SUMF1: variants seen among roughly 807,000 people sequenced by gnomAD.
SUMF1 encodes formylglycine-generating enzyme.
Under a neutral mutation model 47.6 loss-of-function variants are expected in SUMF1, and 48 were observed. The observed-to-expected ratio is 1.01, with a 90% CI of 0.80 to 1.28. SUMF1 has a LOEUF of 1.28. SUMF1 is among the 50% of genes most tolerant of loss of function. SUMF1 has a pLI of 0.00. For missense variants in SUMF1, 571 were observed against 485.4 expected (o/e 1.18, Z -1.66); for synonymous variants, 230 against 192.1 (o/e 1.20, Z -1.63).
At chr3:4,207,332 C>T (rs1250230878) in intron 8 of SUMF1, among the ~76,000 whole-genome samples, 1 of 152,236 alleles carries the variant, frequency 6.6e-6, no homozygotes, top group Admixed American at 6.5e-5. Context: ...CTTATTCTTA[C>T]CTCATTGCAC....
At chr3:4,270,274 G>C (rs1283332044) in intron 8 of SUMF1, among the ~76,000 whole-genome samples, 3 of 152,050 alleles carry the variant, frequency 2.0e-5, no homozygotes, top group Non-Finnish European at 2.9e-5. Context: ...CTGACTATAG[G>C]TGATAAAGTG....
rs150915876 is a variant in SUMF1, at chr3:4,157,490, T to C, written c.1015-88745A>G. On this transcript the variant is annotated intron_variant and NMD_transcript_variant, in intron 8 of 12. Transcript: ENST00000448413. ...TTTCCCCAAAATATTTTTAAATCAA[T>C]AGTTCTCTTCTTAGTTTTATATCAC... Among the ~76,000 whole-genome samples the C allele has an allele frequency of 3.3e-5, 5 of 151,730 alleles. No individual in the cohort carries two copies. In the East Asian group the frequency reaches 7.7e-4, roughly 23 times the overall value.
At chr3:4,367,799 C>T (rs1243250043) in intron 8 of SUMF1, among the ~76,000 whole-genome samples, 3 of 151,528 alleles carry the variant, frequency 2.0e-5, no homozygotes, top group African/African-American at 7.3e-5. Flanking sequence ...AAAGCTGAAA[C>T]TGGATCCCTT....
At chr3:4,462,550 C>T (rs1424027265) in intron 1 of SUMF1, among the ~76,000 whole-genome samples, 3 of 152,086 alleles carry the variant, frequency 2.0e-5, no homozygotes, top group African/African-American at 2.4e-5. Flanking sequence ...GTCTTTTTTT[C>T]ACTTGCTACC....
chr3:4,235,245 A>T (rs1696382682), intron 8 of SUMF1, among the ~76,000 whole-genome samples: 2 of 152,152 alleles, frequency 1.3e-5, no homozygotes, highest in South Asian at 4.1e-4. Context: ...GAAGGAGTCA[A>T]GATTAACACC....
intron 8 of SUMF1, among the ~76,000 whole-genome samples, chr3:4,166,449 T>G (rs1274340012): frequency 6.6e-6 from 1 of 152,154 alleles, no homozygotes; most frequent in Non-Finnish European, 1.5e-5. Context: ...AAATTCCAGA[T>G]AGTCCCCAGC....
chr3:4,077,702 T>C (rs1692470301), intron 8 of SUMF1, among the ~76,000 whole-genome samples: 2 of 152,036 alleles, frequency 1.3e-5, no homozygotes, highest in South Asian at 2.1e-4. Flanking sequence ...AAATACCTAA[T>C]GTAAATGTCG....
intron 8 of SUMF1, among the ~76,000 whole-genome samples, chr3:4,131,514 T>A (rs891753995): frequency 2.0e-5 from 3 of 152,150 alleles, no homozygotes; most frequent in Non-Finnish European, 2.9e-5. Flanking sequence ...TGAAGGGAAA[T>A]CTTCCCAGTG....
At chr3:4,082,531 A>C (rs530971750) in intron 8 of SUMF1, among the ~76,000 whole-genome samples, 18 of 152,284 alleles carry the variant, frequency 1.2e-4, no homozygotes, top group African/African-American at 4.3e-4. Flanking sequence ...CAATAGAATT[A>C]AATTATATTT....
intron 8 of SUMF1, among the ~76,000 whole-genome samples, chr3:4,252,373 C>A (rs986156140): frequency 7.0e-6 from 1 of 142,510 alleles, no homozygotes; most frequent in African/African-American, 2.5e-5. Context: ...CACACACACA[C>A]ACACACCCCA....
At chr3:4,221,713 C>T (rs745505526) in intron 8 of SUMF1, among the ~76,000 whole-genome samples, 2 of 152,106 alleles carry the variant, frequency 1.3e-5, no homozygotes, top group African/African-American at 2.4e-5. Flanking sequence ...CAGACACAGT[C>T]TCTGCCCTCA....
intron 3 of SUMF1, among the ~76,000 whole-genome samples, chr3:4,428,477 A>C (rs1702134412): frequency 6.6e-6 from 1 of 151,976 alleles, no homozygotes; most frequent in African/African-American, 2.4e-5. Flanking sequence ...CCTCAGCCTT[A>C]CAAGTAGTTA....
chr3:4,164,722 G>C (rs1694659448), intron 8 of SUMF1, among the ~76,000 whole-genome samples: 1 of 152,048 alleles, frequency 6.6e-6, no homozygotes, highest in South Asian at 2.1e-4. Context: ...GAACACTGAG[G>C]TTGCCAGGTT....
chr3:4,265,402 A>AT lies in SUMF1; in HGVS notation c.1014+110927dup, dbSNP rs201371874. On this transcript the variant is annotated intron_variant and NMD_transcript_variant, in intron 8 of 12. Transcript: ENST00000448413. ...CAGTAATTTCAAGTGTGATTTGTCC[A>AT]TTTTTTTGGCAACAATGATCATGAT... Among the ~76,000 whole-genome samples, 8 of 152,014 alleles carry AT rather than the reference A, an allele frequency of 5.3e-5. No individual in the cohort carries two copies. The East Asian group carries it at 9.7e-4, about 18-fold the overall frequency.
At chr3:4,441,190 G>A (rs890785507) in intron 3 of SUMF1, among the ~76,000 whole-genome samples, 6 of 152,058 alleles carry the variant, frequency 3.9e-5, no homozygotes, top group Admixed American at 1.3e-4. Flanking sequence ...GATCAGTAGC[G>A]GCATTAGATC....
At position 4,064,532 on chromosome 3, in the gene SUMF1, G is replaced by T. The variant is rs79701944; in HGVS notation, c.1191+4037C>A. On this transcript the variant is annotated intron_variant and NMD_transcript_variant, in intron 9 of 12. Transcript: ENST00000448413. ...GTTGAGCCACCCATACTCTGCCTAT[G>T]GAGTAGGCATTCTTTTGTTTCTTTA... Among the ~76,000 whole-genome samples, 1,486 of 152,240 alleles carry T rather than the reference G, an allele frequency of 9.8e-3. 22 individuals carry two copies. Among genetic ancestry groups the T allele is most frequent in the South Asian group, 0.027 (132 of 4,824 alleles).
At chr3:4,413,995 C>T (rs1575191302) in intron 6 of SUMF1, among the ~76,000 whole-genome samples, 1 of 152,224 alleles carries the variant, frequency 6.6e-6, no homozygotes, top group East Asian at 1.9e-4. Context: ...TCCTGAGTAG[C>T]TGGGATTACA....
At chr3:4,181,597 A>C (rs892400798) in intron 8 of SUMF1, among the ~76,000 whole-genome samples, 4 of 152,086 alleles carry the variant, frequency 2.6e-5, no homozygotes, top group African/African-American at 9.7e-5. Flanking sequence ...TGTAAAGTGA[A>C]GGCCTTGGAT....
At chr3:4,438,951 CTCTGAT>C (rs1284748404) in intron 3 of SUMF1, among the ~76,000 whole-genome samples, 1 of 152,178 alleles carries the variant, frequency 6.6e-6, no homozygotes, top group Non-Finnish European at 1.5e-5. Context: ...GGGCCACATT[CTCTGAT>C]TACAGCCTCA....
Sources: gnomAD v4.1 joint callset for allele counts (sites outside exome capture counted in the v4.1 genomes callset) on GRCh38, gnomAD v4.1.1 for gene constraint, MANE v1.5 for transcripts, NCBI Gene and HGNC (gene_info 2026-07-23, HGNC 2026-07-21) for gene names.